Variants in CNTN1 observed in about 807,000 individuals in gnomAD.
CNTN1 encodes the protein contactin-1.
CNTN1 carries 38 observed loss-of-function variants against 126.4 expected under a neutral mutation model. The ratio of observed to expected loss-of-function variants is 0.30; its 90% CI spans 0.23 to 0.39. The LOEUF (loss-of-function observed/expected upper bound fraction) is 0.39, where lower values mean the gene tolerates loss of function less well. Among genes scored for constraint, CNTN1 ranks in the 10% least tolerant of loss-of-function variants. The pLI is 1.00. For synonymous variants in CNTN1, 413 were observed against 422.6 expected, an observed-to-expected ratio of 0.98 and a Z score of 0.28; for missense variants, 1,009 against 1,248.4, an observed-to-expected ratio of 0.81 and a Z score of 2.89.
intron 1 of CNTN1, among the ~76,000 whole-genome samples, chr12:40,738,649 C>T (rs892376483): frequency 2.6e-5 from 4 of 151,888 alleles, no homozygotes; most frequent in Non-Finnish European, 5.9e-5. Context: ...AGATAAATGA[C>T]CCGTTAATAA....
At chr12:40,919,053 C>T (rs1002624418) in intron 4 of CNTN1, among the ~76,000 whole-genome samples, 3 of 151,962 alleles carry the variant, frequency 2.0e-5, no homozygotes, top group African/African-American at 7.3e-5. Flanking sequence ...TGTTTTTAGG[C>T]CCATGAATGG....
chr12:41,037,663 TACACACACACACAC>T (rs55890336), intron 23 of CNTN1, among the ~76,000 whole-genome samples: 43 of 144,506 alleles, frequency 3.0e-4, no homozygotes, highest in African/African-American at 8.8e-4. Context: ...GTGTGTTTAA[TACACACACACACAC>T]ACACACACAC....
intron 19 of CNTN1, among the ~76,000 whole-genome samples, chr12:41,017,425 T>C (rs1390733412): frequency 1.3e-5 from 2 of 150,410 alleles, no homozygotes; most frequent in Non-Finnish European, 3.0e-5. Context: ...ATATTATATA[T>C]ATTATTTGTA....
chr12:41,040,616 A>C (rs1162448129), intron 23 of CNTN1, among the ~76,000 whole-genome samples: 4 of 152,086 alleles, frequency 2.6e-5, no homozygotes, highest in Non-Finnish European at 4.4e-5. Context: ...GTTCTCCTTG[A>C]AGAGGTCCTT....
At chr12:40,930,023 A>T in intron 7 of CNTN1, 21 bp downstream of exon 7, 1 of 1,576,040 alleles carries the variant, frequency 6.3e-7, no homozygotes, top group Non-Finnish European at 8.7e-7. Flanking sequence ...TATTTGTTAC[A>T]CTCTGTTTTC....
intron 1 of CNTN1, among the ~76,000 whole-genome samples, chr12:40,766,370 A>AG (rs1470943893): frequency 9.5e-5 from 14 of 147,546 alleles, no homozygotes; most frequent in South Asian, 2.1e-4. Flanking sequence ...AAAAAAAAAA[A>AG]AAAGAAAGAA....
intron 1 of CNTN1, among the ~76,000 whole-genome samples, chr12:40,890,713 C>T (rs2136726942): frequency 6.6e-6 from 1 of 152,218 alleles, no homozygotes; most frequent in African/African-American, 2.4e-5. Flanking sequence ...AATAATACTC[C>T]ATGGCCTCGT....
intron 1 of CNTN1, among the ~76,000 whole-genome samples, chr12:40,793,890 G>T (rs923939527): frequency 3.3e-5 from 5 of 151,848 alleles, no homozygotes; most frequent in Non-Finnish European, 7.4e-5. Flanking sequence ...CTATTATAAT[G>T]TAGTACTATT....
intron 1 of CNTN1, among the ~76,000 whole-genome samples, chr12:40,862,710 G>GA (rs1411856573): frequency 6.6e-6 from 1 of 152,060 alleles, no homozygotes; most frequent in South Asian, 2.1e-4. Context: ...TAAAGGTCAT[G>GA]AAAAAAATCT....
At chr12:40,782,739 C>T (rs1939852489) in intron 1 of CNTN1, among the ~76,000 whole-genome samples, 1 of 151,938 alleles carries the variant, frequency 6.6e-6, no homozygotes, top group Admixed American at 6.6e-5. Flanking sequence ...TTCCAGTATT[C>T]TCTACCTGAA....
chr12:40,855,816 TATTA>T (rs1487406658), intron 1 of CNTN1, among the ~76,000 whole-genome samples: 6 of 152,182 alleles, frequency 3.9e-5, no homozygotes, highest in African/African-American at 1.4e-4. Context: ...CAGAGTTTAA[TATTA>T]ATTCTGTTTT....
chr12:41,066,490 G>C (rs185895561), intron 23 of CNTN1, among the ~76,000 whole-genome samples: 2 of 152,078 alleles, frequency 1.3e-5, no homozygotes, highest in Non-Finnish European at 2.9e-5. Context: ...CACTAGGCTT[G>C]GTATTAGTCA....
chr12:40,907,113 C>T (rs1197023876), intron 1 of CNTN1, among the ~76,000 whole-genome samples: 1 of 152,088 alleles, frequency 6.6e-6, no homozygotes, highest in African/African-American at 2.4e-5. Context: ...TTGATGAGTG[C>T]TCTAATGCCC....
At chr12:40,784,466 G>T (rs1939928896) in intron 1 of CNTN1, among the ~76,000 whole-genome samples, 1 of 152,122 alleles carries the variant, frequency 6.6e-6, no homozygotes, top group Non-Finnish European at 1.5e-5. Flanking sequence ...TATATCGAGG[G>T]TTCTCTTTCT....
chr12:41,037,841 G>T (rs922502793), intron 23 of CNTN1, among the ~76,000 whole-genome samples: 2 of 152,068 alleles, frequency 1.3e-5, no homozygotes, highest in Non-Finnish European at 2.9e-5. Flanking sequence ...TGAGTACAAA[G>T]GCATTGATGG....
intron 1 of CNTN1, among the ~76,000 whole-genome samples, chr12:40,764,674 T>C (rs147182285): frequency 1.0e-3 from 157 of 152,364 alleles, no homozygotes; most frequent in Admixed American, 2.6e-3. Flanking sequence ...AGGGGCTTAT[T>C]GTTAGGAAGA....
intron 1 of CNTN1, among the ~76,000 whole-genome samples, chr12:40,836,696 A>G (rs1942073054): frequency 6.6e-6 from 1 of 152,192 alleles, no homozygotes; most frequent in Admixed American, 6.5e-5. Flanking sequence ...GTATTTGTAT[A>G]ATGGTTAATT....
At chr12:40,751,505 G>T (rs533656247) in intron 1 of CNTN1, among the ~76,000 whole-genome samples, 6 of 152,124 alleles carry the variant, frequency 3.9e-5, no homozygotes, top group African/African-American at 1.4e-4. Context: ...AGGAGAGAGA[G>T]AAATAAAGGA....
At chr12:40,856,751 A>C (rs1345436995) in intron 1 of CNTN1, among the ~76,000 whole-genome samples, 3 of 152,138 alleles carry the variant, frequency 2.0e-5, no homozygotes, top group Non-Finnish European at 4.4e-5. Context: ...GAACTTGAGG[A>C]AAAAGTCCAG....
Sources: allele counts gnomAD v4.1 joint callset (sites outside exome capture counted in the v4.1 genomes callset), GRCh38; gene constraint gnomAD v4.1.1; transcripts MANE v1.5; gene names NCBI Gene and HGNC (gene_info 2026-07-23, HGNC 2026-07-21).